The following SEPTIN7 variants were observed in gnomAD, a reference collection of about 807,000 sequenced individuals.
The protein encoded by SEPTIN7 is septin 7, also known as septin-7.
Under a neutral mutation model 63.3 loss-of-function variants are expected in SEPTIN7, and 10 were observed. The observed-to-expected ratio is 0.16, with a 90% confidence interval of 0.10 to 0.27. The LOEUF is 0.27. SEPTIN7 is among the 10% of genes least tolerant of loss of function. The pLI is 1.00. For synonymous variants in SEPTIN7, 131 were observed against 165.3 expected (o/e 0.79, Z 1.59); for missense variants, 310 against 521.0 (o/e 0.59, Z 3.94).
At chr7:35,832,182 A>G (rs1447859665) in intron 2 of SEPTIN7, 1 of 442,060 alleles carries the variant, frequency 2.3e-6, no homozygotes, top group Non-Finnish European at 4.5e-6. Context: ...ATAAACCTGA[A>G]GATAAAGGCA....
chr7:35,834,758 G>A (rs1320241277), intron 3 of SEPTIN7, among the ~76,000 whole-genome samples: 1 of 152,008 alleles, frequency 6.6e-6, no homozygotes. Flanking sequence ...TTATTTTTCA[G>A]ATTTTAGGCT....
intron 1 of SEPTIN7, among the ~76,000 whole-genome samples, chr7:35,816,299 C>T (rs535634627): frequency 5.3e-5 from 8 of 152,254 alleles, no homozygotes; most frequent in Non-Finnish European, 1.0e-4. Context: ...ATTTGTCTAT[C>T]TTGGACATTT....
intron 3 of SEPTIN7, among the ~76,000 whole-genome samples, chr7:35,861,772 T>C (rs1356226884): frequency 2.0e-5 from 3 of 152,102 alleles, no homozygotes; most frequent in Admixed American, 6.6e-5. Context: ...ACCAGAGAGG[T>C]TAAAATGTTA....
chr7:35,801,218 C>T lies in SEPTIN7; in HGVS notation c.9C>T (p.Val3=), dbSNP rs1223594914. 5.2e-6 allele frequency: 8 copies of T among 1,525,682 alleles called. No individual in the cohort carries two copies. Among genetic ancestry groups the T allele is most frequent in the Middle Eastern group, 2.1e-4 (1 of 4,778 alleles). 94.5% of individuals were successfully genotyped at this position (1,525,682 alleles called of 1,614,324 possible). The change falls in exon 1 of 14, where the codon GTC becomes GTT. Residue 3 remains valine (V), a synonymous_variant. Transcript: ENST00000350320. The part of the protein sequence containing the change: MS[V]SARSAAAEER... ...GCGGAGGGGGGGAGGGGATGTCGGT[C>T]AGTGCGAGATCCGCTGCTGCTGAGG...
At chr7:35,849,806 C>T (rs1223037866) in intron 3 of SEPTIN7, among the ~76,000 whole-genome samples, 1 of 152,156 alleles carries the variant, frequency 6.6e-6, no homozygotes, top group African/African-American at 2.4e-5. Flanking sequence ...TTCTGGTTGT[C>T]TTTTTCTTTA....
intron 1 of SEPTIN7, among the ~76,000 whole-genome samples, chr7:35,824,914 A>G (rs1230189095): frequency 1.3e-5 from 2 of 152,228 alleles, no homozygotes; most frequent in African/African-American, 2.4e-5. Flanking sequence ...TCTTTAAAAT[A>G]TGATATTTTA....
At chr7:35,823,711 T>A (rs1783351061) in intron 1 of SEPTIN7, among the ~76,000 whole-genome samples, 1 of 152,230 alleles carries the variant, frequency 6.6e-6, no homozygotes, top group Non-Finnish European at 1.5e-5. Flanking sequence ...ATCACATGGC[T>A]TCAGGGATAC....
chr7:35,915,592 G>T, the SEPTIN7 span, among the ~76,000 whole-genome samples: 5 of 152,074 alleles, frequency 3.3e-5, no homozygotes, highest in Non-Finnish European at 7.4e-5. Context: ...TCTCTGCATG[G>T]TTCCACTGTC....
chr7:35,879,632 T>G (rs1786708379), intron 6 of SEPTIN7, 191 bp from the exon 7 acceptor site: 1 of 465,200 alleles, frequency 2.1e-6, no homozygotes, highest in South Asian at 3.8e-5. Context: ...AGGGCAGGAG[T>G]CAAAGCCTTA....
intron 3 of SEPTIN7, among the ~76,000 whole-genome samples, chr7:35,861,814 G>C (rs997998107): frequency 8.5e-5 from 13 of 152,210 alleles, no homozygotes; most frequent in African/African-American, 2.9e-4. Flanking sequence ...CCGCTCATTT[G>C]AAGGGAATGA....
Position 35,841,687 on chromosome 7 carries a change from T to C in SEPTIN7, c.169+8787T>C, listed in dbSNP as rs1784413693. ...TTGGGACAGAAATATGAAGGCCGCATAGTCTGTCAGTATTTTAAAAGAACT... is the reference window on the plus strand; with the variant it reads ...TTGGGACAGAAATATGAAGGCCGCACAGTCTGTCAGTATTTTAAAAGAACT... On this transcript the variant is annotated intron_variant, in intron 3 of 13. Transcript: ENST00000350320. Among the ~76,000 whole-genome samples the C allele has an allele frequency of 3.3e-5, 5 of 152,224 alleles. No homozygotes were observed. In the South Asian group the frequency reaches 6.2e-4, roughly 19 times the overall value.
At chr7:35,904,206 G>T in intron 13 of SEPTIN7, 48 bp from the exon 14 acceptor site, 1 of 1,403,594 alleles carries the variant, frequency 7.1e-7, no homozygotes, top group Non-Finnish European at 9.7e-7. Flanking sequence ...TGTCTATCAT[G>T]TTTATAAAAT....
chr7:35,834,129 CATCATT>C (rs1421749457), intron 3 of SEPTIN7, among the ~76,000 whole-genome samples: 2 of 151,836 alleles, frequency 1.3e-5, no homozygotes, highest in African/African-American at 4.8e-5. Flanking sequence ...TTGGTAACAT[CATCATT>C]ATATGAAGAA....
At chr7:35,889,769 C>A (rs1328256861) in intron 10 of SEPTIN7, among the ~76,000 whole-genome samples, 2 of 152,116 alleles carry the variant, frequency 1.3e-5, no homozygotes, top group Non-Finnish European at 2.9e-5. Flanking sequence ...GTCTCGAACC[C>A]CTGAGCTCAG....
At chr7:35,873,518 T>G in intron 5 of SEPTIN7, 123 bp from the exon 6 acceptor site, 8 of 821,800 alleles carry the variant, frequency 9.7e-6, no homozygotes, top group Non-Finnish European at 1.5e-5. Context: ...TAGAATAACT[T>G]GACATATCTT....
At chr7:35,826,755 A>G (rs145327497) in intron 1 of SEPTIN7, among the ~76,000 whole-genome samples, 1 of 152,230 alleles carries the variant, frequency 6.6e-6, no homozygotes, top group African/African-American at 2.4e-5. Flanking sequence ...ATAGTTTTCA[A>G]AATAAGTTGC....
chr7:35,895,599 AAT>A (rs1787912435), intron 11 of SEPTIN7, among the ~76,000 whole-genome samples: 1 of 152,220 alleles, frequency 6.6e-6, no homozygotes, highest in Non-Finnish European at 1.5e-5. Context: ...TAATTTGGGA[AAT>A]AAATTAGCTT....
In SEPTIN7 at chr7:35,887,622, C is replaced by G. The variant is rs114686911; in HGVS notation, c.872+1743C>G. 2.5e-3 allele frequency among the ~76,000 whole-genome samples: 379 copies of G among 152,292 alleles called. 2 individuals are homozygous for G. Among genetic ancestry groups the G allele is most frequent in the Admixed American group, 9.3e-3 (143 of 15,302 alleles). On this transcript the variant is annotated intron_variant, in intron 10 of 13. Coordinates refer to ENST00000350320, the MANE Select transcript of SEPTIN7 (RefSeq NM_001788.6). ...TCAGCCTCCCACAGTGCTGGGATTA[C>G]GGGCTTGAGCCACCACACCCACCCA...
chr7:35,889,772 G>A (rs1378393044), intron 10 of SEPTIN7, among the ~76,000 whole-genome samples: 1 of 152,150 alleles, frequency 6.6e-6, no homozygotes, highest in Non-Finnish European at 1.5e-5. Context: ...TCGAACCCCT[G>A]AGCTCAGGCA....
Sources: allele counts gnomAD v4.1 joint callset (sites outside exome capture counted in the v4.1 genomes callset), GRCh38; gene constraint gnomAD v4.1.1; transcripts MANE v1.5; gene names NCBI Gene and HGNC (gene_info 2026-07-23, HGNC 2026-07-21).